Variants in ZNF197 observed in about 807,000 individuals in gnomAD.
ZNF197 encodes VHL-associated KRAB-A domain-containing protein.
Under a neutral mutation model 27.4 loss-of-function variants are expected in ZNF197, and 14 were observed. The ratio of observed to expected loss-of-function variants is 0.51; its 90% CI spans 0.34 to 0.80. ZNF197 has a LOEUF of 0.80. Among genes scored for constraint, ZNF197 ranks in the 30% least tolerant of loss-of-function variants. The probability of loss-of-function intolerance (pLI) is 0.02; values close to 1 mark genes in which losing one functional copy is unlikely to be tolerated. For missense variants in ZNF197, 1,090 were observed against 1,222.6 expected, an observed-to-expected ratio of 0.89 and a Z score of 1.62; for synonymous variants, 415 against 420.0, an observed-to-expected ratio of 0.99 and a Z score of 0.15.
rs376183053 is a variant in ZNF197 at position 44,628,936 on chromosome 3, G to T, written c.-81-138G>T. On this transcript the variant is annotated intron_variant, in intron 1 of 5. Coordinates refer to ENST00000344387, the MANE Select transcript of ZNF197 (RefSeq NM_006991.5). ...AGGCAGGGGGTTTCTGTCAGAGGAA[G>T]CACTCTCTAGAGCCTGGAACCTTGC... 2.9e-4 allele frequency: 142 copies of T among 481,948 alleles called. 2 individuals carry two copies. Among genetic ancestry groups the T allele is most frequent in the Middle Eastern group, 2.3e-3 (4 of 1,718 alleles). 29.9% of individuals were successfully genotyped at this position (481,948 alleles called of 1,614,324 possible).
Position 44,643,311 on chromosome 3 carries a change from C to G in ZNF197, c.2181C>G (p.Leu727=), listed in dbSNP as rs1002121209. ...MSKSFMVHQK[L]HTQEKAYKCE... ...AAAGTTTTATGGTCCATCAGAAACT[C>G]CATACACAAGAGAAAGCCTACAAAT... is the stretch of plus-strand genomic sequence containing the variant. The change falls in exon 6 of 6, where the codon CTC becomes CTG. Residue 727 remains leucine, a synonymous_variant. Transcript: ENST00000344387. 1 of 1,613,724 alleles carries G rather than the reference C, an allele frequency of 6.2e-7. No individual in the cohort carries two copies. Among genetic ancestry groups the G allele is most frequent in the Admixed American group, 1.7e-5 (1 of 59,938 alleles).
intron 5 of ZNF197, among the ~76,000 whole-genome samples, chr3:44,637,108 C>T (rs1702338107): frequency 6.6e-6 from 1 of 151,916 alleles, no homozygotes. Flanking sequence ...ATATATAAGT[C>T]CCGTAACAGA....
At position 44,644,851 on chromosome 3, in the gene ZNF197, T is replaced by A. The variant is rs1183485385; in HGVS notation, c.*631T>A. The A allele has an allele frequency of 1.0e-6, 1 of 961,518 alleles. No individual in the cohort carries two copies. The highest frequency in any genetic ancestry group is 1.2e-6 in the Non-Finnish European group (1 of 808,310). The allele number at this position is 961,518 out of a possible 1,614,324, so 59.6% of individuals were successfully genotyped here. ...CCTGGGTAACACGGGGAGACCCGTC[T>A]TTAGTAAATAAAAATAAATTTATTA... On this transcript the variant is annotated 3_prime_UTR_variant, in exon 6 of 6. Coordinates refer to ENST00000344387, the MANE Select transcript of ZNF197 (RefSeq NM_006991.5).
intron 3 of ZNF197, 96 bp downstream of exon 3, chr3:44,631,317 C>T (rs1701978152): frequency 1.4e-6 from 2 of 1,466,936 alleles, no homozygotes; most frequent in Non-Finnish European, 1.9e-6. Flanking sequence ...GCTACCCTGT[C>T]TAGGAGTCTC....
Position 44,647,544 on chromosome 3 carries a change from C to T in ZNF197, c.*3324C>T, listed in dbSNP as rs1464520943. ...ATTTGTAATGGTCGAAACCTGTAGGCAACCCATATATCCTTCCTTAGGTGG... is the reference window on the plus strand; with the variant it reads ...ATTTGTAATGGTCGAAACCTGTAGGTAACCCATATATCCTTCCTTAGGTGG... On this transcript the variant is annotated 3_prime_UTR_variant, in exon 6 of 6. Transcript: ENST00000344387. 1 of 152,142 alleles carries T rather than the reference C, an allele frequency of 6.6e-6. No homozygotes were observed. The highest frequency in any genetic ancestry group is 1.9e-4 in the East Asian group (1 of 5,196). 9.4% of individuals were successfully genotyped at this position (152,142 alleles called of 1,614,324 possible).
chr3:44,643,387 C>G lies in ZNF197; in HGVS notation c.2257C>G (p.Arg753Gly), dbSNP rs376273220. 1 of 1,614,154 alleles carries G rather than the reference C, an allele frequency of 6.2e-7. No homozygotes were observed. Among genetic ancestry groups the G allele is most frequent in the Non-Finnish European group, 8.5e-7 (1 of 1,180,026 alleles). ...TTACAATTCAAGCCTGCTTGTACAT[C>G]GGAGAATCCACACCGGAGAAAAACC... ...FSYNSSLLVH[R>G]RIHTGEKPFE... Residue 753 changes from arginine to glycine, a missense_variant, in exon 6 of 6, where the codon CGG becomes GGG. Arg to Gly is a moderately radical substitution (Grantham distance 125, BLOSUM62 -2). Transcript: ENST00000344387.
Position 44,647,939 on chromosome 3 carries a change from T to A in ZNF197, c.*3719T>A, listed in dbSNP as rs1407521705. On this transcript the variant is annotated 3_prime_UTR_variant, in exon 6 of 6. Coordinates refer to ENST00000344387, the MANE Select transcript of ZNF197 (RefSeq NM_006991.5). ...AGGTGCTATACCTATACACACATAC[T>A]GTACCAATGTTGATTTCCTTTTTCA... 2 of 152,302 alleles carry A rather than the reference T, an allele frequency of 1.3e-5. No individual in the cohort carries two copies. Among genetic ancestry groups the A allele is most frequent in the African/African-American group, 4.8e-5 (2 of 41,558 alleles). 9.4% of individuals were successfully genotyped at this position (152,302 alleles called of 1,614,324 possible).
rs962761690 is a variant in ZNF197 at position 44,647,255 on chromosome 3, A to T, written c.*3035A>T. The stretch of plus-strand genomic sequence containing the variant: ...AGGCATGAGGGAAATGCAGAGTAAA[A>T]TCGTGAGATATCACCTATCAGAATA... On this transcript the variant is annotated 3_prime_UTR_variant, in exon 6 of 6. Transcript: ENST00000344387. The T allele has an allele frequency of 6.6e-6, 1 of 152,104 alleles. No homozygotes were observed. Among genetic ancestry groups the T allele is most frequent in the African/African-American group, 2.4e-5 (1 of 41,416 alleles). The allele number at this position is 152,104 out of a possible 1,614,324, so 9.4% of individuals were successfully genotyped here. A position where few individuals can be genotyped will look rare whatever the true frequency, so the allele number is the denominator to read the frequency against.
At chr3:44,628,535 A>G (rs1268938457) in intron 1 of ZNF197, among the ~76,000 whole-genome samples, 2 of 152,224 alleles carry the variant, frequency 1.3e-5, no homozygotes, top group Admixed American at 6.5e-5. Context: ...TCTCATATGT[A>G]TCATGATTAA....
At position 44,642,461 on chromosome 3, in the gene ZNF197, A is replaced by G; in HGVS notation, c.1331A>G (p.His444Arg). 6.2e-7 allele frequency: 1 copy of G among 1,614,010 alleles called. No individual in the cohort carries two copies. Among genetic ancestry groups the G allele is most frequent in the Non-Finnish European group, 8.5e-7 (1 of 1,179,960 alleles). ...AFSQSAYLLN[H>R]QRIHTGEKPY... The stretch of plus-strand genomic sequence containing the variant: ...TCTCAAAGTGCTTACCTTCTAAACC[A>G]TCAGAGGATCCACACTGGGGAGAAA... The change falls in exon 6 of 6, where the codon CAT becomes CGT. Residue 444 changes from histidine (H) to arginine (R), a missense_variant. Physicochemically the swap from His to Arg is conservative, Grantham distance 29. Coordinates refer to ENST00000344387, the MANE Select transcript of ZNF197 (RefSeq NM_006991.5).
In ZNF197 at chr3:44,645,192, A is replaced by T; in HGVS notation, c.*972A>T. ...ATACCTACCTCACAGGGTTGTTGTG[A>T]GGGTTAAGTGAAAGGATCTTTGTGA... On this transcript the variant is annotated 3_prime_UTR_variant, in exon 6 of 6. Coordinates refer to ENST00000344387, the MANE Select transcript of ZNF197 (RefSeq NM_006991.5). 1 of 979,870 alleles carries T rather than the reference A, an allele frequency of 1.0e-6. No homozygotes were observed. The highest frequency in any genetic ancestry group is 1.2e-6 in the Non-Finnish European group (1 of 824,946). 60.7% of individuals were successfully genotyped at this position (979,870 alleles called of 1,614,324 possible). A position where few individuals can be genotyped will look rare whatever the true frequency, so the allele number is the denominator to read the frequency against.
intron 1 of ZNF197, among the ~76,000 whole-genome samples, 179 bp downstream of exon 1, chr3:44,625,322 C>T (rs1701581171): frequency 6.6e-6 from 1 of 152,248 alleles, no homozygotes; most frequent in Non-Finnish European, 1.5e-5. Flanking sequence ...GGCAGGCAGC[C>T]GGCCCGAGGG....
intron 2 of ZNF197, chr3:44,630,730 G>T (rs928055722): frequency 1.2e-5 from 5 of 431,860 alleles, no homozygotes; most frequent in Non-Finnish European, 1.8e-5. Flanking sequence ...ACTGAAGTCC[G>T]ATCTAAAACT....
intron 2 of ZNF197, among the ~76,000 whole-genome samples, chr3:44,630,442 CA>C (rs2125796726): frequency 6.6e-6 from 1 of 152,296 alleles, no homozygotes; most frequent in Admixed American, 6.5e-5. Context: ...TCACTAGAAA[CA>C]TTTCTGTATA....
chr3:44,644,549 A>G lies in ZNF197; in HGVS notation c.*329A>G, dbSNP rs1438065346. On this transcript the variant is annotated 3_prime_UTR_variant, in exon 6 of 6. Transcript: ENST00000344387. ...GCTACTCAGGAGGCTGAGACAGGAG[A>G]GTCGCTTGAACCTGGGAGGGCGGAG... The G allele has an allele frequency of 2.3e-6, 2 of 876,084 alleles. No individual in the cohort carries two copies. Among genetic ancestry groups the G allele is most frequent in the Non-Finnish European group, 2.8e-6 (2 of 724,506 alleles). 54.3% of individuals were successfully genotyped at this position (876,084 alleles called of 1,614,324 possible).
chr3:44,643,380 T>C lies in ZNF197; in HGVS notation c.2250T>C (p.Leu750=), dbSNP rs990151422. The C allele has an allele frequency of 6.2e-7, 1 of 1,614,170 alleles. No individual in the cohort carries two copies. The highest frequency in any genetic ancestry group is 1.3e-5 in the African/African-American group (1 of 75,038). The change falls in exon 6 of 6, where the codon CTT becomes CTC. Residue 750 remains leucine (L), a synonymous_variant. Transcript: ENST00000344387. ...CTTTCAGTTACAATTCAAGCCTGCTTGTACATCGGAGAATCCACACCGGAG... is the reference window on the plus strand; with the variant it reads ...CTTTCAGTTACAATTCAAGCCTGCTCGTACATCGGAGAATCCACACCGGAG... ...GKAFSYNSSL[L]VHRRIHTGEK...
chr3:44,631,194 G>T lies in ZNF197; in HGVS notation c.523G>T (p.Ala175Ser), dbSNP rs759151226. Reference protein sequence around the residue: ...ICPHPPTDLVAFNLQDPQHDS... With the variant: ...ICPHPPTDLVSFNLQDPQHDS... Reference sequence around the variant, plus strand: ...CCCGCATCCTCCTACTGACCTAGTGGCATTCAACCTCCAGGATCCTCAGCA... The same window carrying T: ...CCCGCATCCTCCTACTGACCTAGTGTCATTCAACCTCCAGGATCCTCAGCA... Residue 175 changes from alanine to serine, a missense_variant, in exon 3 of 6, where the codon GCA (alanine) becomes TCA (serine). Physicochemically the swap from Ala to Ser is moderately conservative, Grantham distance 99 (BLOSUM62 1). Transcript: ENST00000344387. 1.1e-4 allele frequency: 181 copies of T among 1,614,084 alleles called. 1 individual carries two copies. Among genetic ancestry groups the T allele is most frequent in the Middle Eastern group, 4.9e-4 (3 of 6,062 alleles).
intron 5 of ZNF197, among the ~76,000 whole-genome samples, chr3:44,638,618 G>C (rs1395083467): frequency 1.3e-5 from 2 of 152,178 alleles, no homozygotes; most frequent in African/African-American, 4.8e-5. Context: ...ATGTTGACTA[G>C]AAGTGGCAAG....
chr3:44,630,947 G>T, intron 2 of ZNF197, 115 bp from the exon 3 acceptor site: 1 of 1,378,876 alleles, frequency 7.3e-7, no homozygotes, highest in Non-Finnish European at 1.0e-6. Flanking sequence ...CATACTTGAG[G>T]TGGGTCTCTC....
Sources: gnomAD v4.1 joint callset for allele counts (sites outside exome capture counted in the v4.1 genomes callset) on GRCh38, gnomAD v4.1.1 for gene constraint, MANE v1.5 for transcripts, NCBI Gene and HGNC (gene_info 2026-07-23, HGNC 2026-07-21) for gene names.